The following LAMA1 variants were observed in gnomAD, a reference collection of about 807,000 sequenced individuals.
LAMA1 encodes the protein laminin subunit alpha 1.
Under a neutral mutation model 348.7 loss-of-function variants are expected in LAMA1, and 219 were observed. The observed-to-expected ratio is 0.63, with a 90% CI of 0.56 to 0.70. The LOEUF (loss-of-function observed/expected upper bound fraction) is 0.70, where lower values mean the gene tolerates loss of function less well. Ranked by LOEUF, LAMA1 falls within the 30% of genes least tolerant of loss-of-function variation. The pLI is 0.00. For missense variants in LAMA1, 3,744 were observed against 3,888.0 expected (o/e 0.96, Z 0.99); for synonymous variants, 1,487 against 1,491.0 (o/e 1.00, Z 0.06).
Position 7,100,786 on chromosome 18 carries a change from G to A in LAMA1, c.61+16874C>T, listed in dbSNP as rs2058288364. On this transcript the variant is annotated intron_variant, in intron 1 of 62. Transcript: ENST00000389658. ...GCACTTTGGGGGGCCGAGACTGGCA[G>A]ATCACTTGAGGTCAGGAGTTCTAGA... Among the ~76,000 whole-genome samples, 4 of 152,146 alleles carry A rather than the reference G, an allele frequency of 2.6e-5. No individual in the cohort carries two copies. In the South Asian group the frequency reaches 8.3e-4, roughly 32 times the overall value.
rs964950954 is a variant in LAMA1 at position 7,044,567 on chromosome 18, T to C, written c.976+155A>G. 3.9e-5 allele frequency among the ~76,000 whole-genome samples: 6 copies of C among 152,176 alleles called. No homozygotes were observed. In the East Asian group the frequency reaches 5.8e-4, roughly 15 times the overall value. On this transcript the variant is annotated intron_variant, in intron 7 of 62. Transcript: ENST00000389658. ...CCATAAAGATACATTTAGGCCACAA[T>C]AGTTAAAATTTTAAGGTCATCTGCA...
chr18:7,005,717 G>C (rs1036825828), intron 29 of LAMA1, among the ~76,000 whole-genome samples: 13 of 152,116 alleles, frequency 8.5e-5, no homozygotes, highest in African/African-American at 2.2e-4. Flanking sequence ...TTGTACTCCA[G>C]CCTGGGTGAC....
intron 19 of LAMA1, among the ~76,000 whole-genome samples, chr18:7,021,792 A>ACGCAGTTTCTGGGGT (rs2057916471): frequency 1.7e-5 from 2 of 117,880 alleles, no homozygotes; most frequent in African/African-American, 6.8e-5. Flanking sequence ...GAGTGAAAAT[A>ACGCAGTTTCTGGGGT]TAATAATATA....
chr18:7,042,797 C>G (rs568060106), intron 8 of LAMA1: 1 of 201,126 alleles, frequency 5.0e-6, no homozygotes, highest in East Asian at 1.3e-4. Context: ...GCAGGAGAAT[C>G]GCTTGAACCC....
intron 46 of LAMA1, among the ~76,000 whole-genome samples, chr18:6,973,834 G>C (rs950602562): frequency 6.6e-6 from 1 of 152,176 alleles, no homozygotes; most frequent in Admixed American, 6.5e-5. Context: ...AGACTGGAAC[G>C]CAGTGGTGTG....
At chr18:7,087,012 G>T (rs1039283157) in intron 1 of LAMA1, among the ~76,000 whole-genome samples, 1 of 152,110 alleles carries the variant, frequency 6.6e-6, no homozygotes, top group Non-Finnish European at 1.5e-5. Context: ...GTAATTCTTT[G>T]ATCTTTTTGG....
At chr18:6,959,528 C>T in intron 53 of LAMA1, 36 bp from the exon 54 acceptor site, 2 of 1,611,784 alleles carry the variant, frequency 1.2e-6, no homozygotes, top group Non-Finnish European at 1.7e-6. Context: ...CCAGACAAAA[C>T]ACATTACTAT....
intron 44 of LAMA1, among the ~76,000 whole-genome samples, chr18:6,977,256 T>C (rs2057686831): frequency 6.6e-6 from 1 of 152,230 alleles, no homozygotes; most frequent in African/African-American, 2.4e-5. Context: ...GCAGCCTTCG[T>C]TGCATACAAA....
At chr18:7,051,061 G>A (rs1476650730) in intron 3 of LAMA1, 125 bp from the exon 4 acceptor site, 1 of 1,279,916 alleles carries the variant, frequency 7.8e-7, no homozygotes, top group African/African-American at 1.5e-5. Context: ...TCAGACAGTA[G>A]AATGGTGGCT....
chr18:7,046,180 C>T, intron 6 of LAMA1, 98 bp downstream of exon 6: 2 of 783,860 alleles, frequency 2.6e-6, no homozygotes, highest in Admixed American at 2.1e-5. Flanking sequence ...TAATTTTATA[C>T]CTTTCATGTT....
chr18:7,020,802 G>A lies in LAMA1; in HGVS notation c.2701+2362C>T, dbSNP rs112585908. ...AATGCTTACCAGAAAGATTCATTTC[G>A]GGTCTTGTCTCCTAACCCAACACCC... On this transcript the variant is annotated intron_variant, in intron 19 of 62. Coordinates refer to ENST00000389658, the MANE Select transcript of LAMA1 (RefSeq NM_005559.4). Among the ~76,000 whole-genome samples, 1,052 of 152,184 alleles carry A rather than the reference G, an allele frequency of 6.9e-3. 6 individuals are homozygous for A. The highest frequency in any genetic ancestry group is 0.022 in the African/African-American group (895 of 41,526).
chr18:7,100,932 C>T (rs1321836104), intron 1 of LAMA1, among the ~76,000 whole-genome samples: 1 of 152,110 alleles, frequency 6.6e-6, no homozygotes, highest in African/African-American at 2.4e-5. Context: ...ATCACTTGAA[C>T]CCGGGAGGTG....
chr18:7,076,325 C>T (rs768613395), intron 3 of LAMA1, among the ~76,000 whole-genome samples: 4 of 152,172 alleles, frequency 2.6e-5, no homozygotes, highest in Non-Finnish European at 5.9e-5. Context: ...AAATTTAGCA[C>T]CACTACTAGT....
chr18:6,972,998 T>C, intron 47 of LAMA1, 59 bp downstream of exon 47: 2 of 1,595,078 alleles, frequency 1.3e-6, no homozygotes, highest in Non-Finnish European at 1.7e-6. Flanking sequence ...GCCCATGACT[T>C]TTATATATAG....
chr18:6,972,037 C>T, intron 47 of LAMA1, 56 bp from the exon 48 acceptor site: 1 of 1,603,648 alleles, frequency 6.2e-7, no homozygotes, highest in Non-Finnish European at 8.5e-7. Flanking sequence ...AAGCAAAATA[C>T]ATTCTCCAAG....
intron 33 of LAMA1, among the ~76,000 whole-genome samples, chr18:6,996,712 A>G (rs1333026528): frequency 6.6e-6 from 1 of 152,118 alleles, no homozygotes; most frequent in African/African-American, 2.4e-5. Context: ...TATGGAGGTT[A>G]AGGCTGCAGT....
intron 7 of LAMA1, 115 bp downstream of exon 7, chr18:7,044,607 T>C (rs1190692605): frequency 3.4e-6 from 3 of 885,752 alleles, no homozygotes; most frequent in African/African-American, 3.3e-5. Flanking sequence ...TGGAAACTAC[T>C]TAAATTTCTA....
rs146931651 is a variant in LAMA1, at chr18:7,011,340, G to A, written c.3647C>T (p.Pro1216Leu). The change falls in exon 25 of 63, where the codon CCG (proline) becomes CTG (leucine). Residue 1216 changes from proline to leucine, a missense_variant. Pro to Leu is a moderately conservative substitution (Grantham distance 98, BLOSUM62 -3). Coordinates refer to ENST00000389658, the MANE Select transcript of LAMA1 (RefSeq NM_005559.4). ...CTGCTGCGGCAGCCGCCAGTAAAAC[G>A]GCTCTGCACGGATGTGCTGCCGGAC... ...ATVRQHIRAE[P>L]FYWRLPQQFQ... is the part of the protein sequence containing the mutation. The A allele has an allele frequency of 2.4e-5, 39 of 1,612,342 alleles. 1 individual carries two copies. Among genetic ancestry groups the A allele is most frequent in the South Asian group, 8.8e-5 (8 of 90,664 alleles).
At position 7,084,307 on chromosome 18, in the gene LAMA1, A is replaced by C. The variant is rs539218874; in HGVS notation, c.62-3850T>G. Among the ~76,000 whole-genome samples the C allele has an allele frequency of 5.3e-5, 8 of 152,186 alleles. No homozygotes were observed. The South Asian group carries it at 1.7e-3, about 32-fold the overall frequency. ...CCACATGACCATTGAGCAGGAGGTG[A>C]GATAGGAAATCAGAGAGTGAGAAGG... On this transcript the variant is annotated intron_variant, in intron 1 of 62. Transcript: ENST00000389658.
Sources: gnomAD v4.1 joint callset for allele counts (sites outside exome capture counted in the v4.1 genomes callset) on GRCh38, gnomAD v4.1.1 for gene constraint, MANE v1.5 for transcripts, NCBI Gene and HGNC (gene_info 2026-07-23, HGNC 2026-07-21) for gene names.